The following DOCK10 variants were observed in gnomAD, a reference collection of about 807,000 sequenced individuals.
DOCK10 encodes dedicator of cytokinesis 10, also known as dedicator of cytokinesis protein 10.
DOCK10 carries 145 observed loss-of-function variants against 280.1 expected under a neutral mutation model. The ratio of observed to expected loss-of-function variants is 0.52; its 90% confidence interval spans 0.45 to 0.59. The LOEUF is 0.59. DOCK10 is among the 20% of genes least tolerant of loss of function. DOCK10 has a pLI of 0.00. For synonymous variants in DOCK10, 915 were observed against 942.2 expected (o/e 0.97, Z 0.53); for missense variants, 2,368 against 2,651.7 (o/e 0.89, Z 2.35).
rs923757716 is a variant in DOCK10 at position 224,916,568 on chromosome 2, C to T, written c.333+127G>A. 17 of 516,968 alleles carry T rather than the reference C, an allele frequency of 3.3e-5. No individual in the cohort carries two copies. The African/African-American group carries it at 3.5e-4, about 11-fold the overall frequency. The allele number at this position is 516,968 out of a possible 1,614,324, so 32.0% of individuals were successfully genotyped here. ...AAAAAAAAAAAAAAAAAAAAGACAT[C>T]CACTAGTTAGAATATTTGGAATTAT... On this transcript the variant is annotated intron_variant, in intron 3 of 55. Coordinates refer to ENST00000258390, the MANE Select transcript of DOCK10 (RefSeq NM_014689.3).
chr2:225,037,358 C>T (rs1294199158), intron 1 of DOCK10, among the ~76,000 whole-genome samples: 1 of 152,188 alleles, frequency 6.6e-6, no homozygotes, highest in Non-Finnish European at 1.5e-5. Flanking sequence ...GGAGTGAATT[C>T]TCACAGGTAC....
intron 51 of DOCK10, among the ~76,000 whole-genome samples, chr2:224,776,301 G>A (rs576316862): frequency 6.6e-6 from 1 of 152,136 alleles, no homozygotes; most frequent in Non-Finnish European, 1.5e-5. Context: ...GGGTATAATT[G>A]TAACCATTTT....
chr2:224,902,939 A>T (rs943755742), intron 3 of DOCK10, among the ~76,000 whole-genome samples: 4 of 149,462 alleles, frequency 2.7e-5, no homozygotes, highest in Non-Finnish European at 6.0e-5. Flanking sequence ...TAAAAATACA[A>T]AAAAAAAAAT....
intron 1 of DOCK10, chr2:224,983,875 T>G: frequency 2.1e-6 from 1 of 471,048 alleles, no homozygotes; most frequent in Non-Finnish European, 4.4e-6. Context: ...CTCTGGACAT[T>G]TGTCAGACTG....
intron 7 of DOCK10, among the ~76,000 whole-genome samples, chr2:224,885,075 C>T (rs1699199232): frequency 6.6e-6 from 1 of 152,246 alleles, no homozygotes; most frequent in Non-Finnish European, 1.5e-5. Context: ...TCTCGGCTCA[C>T]TGCAACCTCC....
At chr2:224,841,518 T>C (rs577214975) in intron 23 of DOCK10, among the ~76,000 whole-genome samples, 1 of 152,344 alleles carries the variant, frequency 6.6e-6, no homozygotes, top group East Asian at 1.9e-4. Flanking sequence ...GGCATGATGG[T>C]AATGTTGCAA....
intron 33 of DOCK10, among the ~76,000 whole-genome samples, chr2:224,806,657 T>A (rs1463617550): frequency 6.6e-6 from 1 of 152,194 alleles, no homozygotes; most frequent in Non-Finnish European, 1.5e-5. Context: ...CAGACTACAG[T>A]GCAATGGCAT....
chr2:224,788,998 G>T, intron 48 of DOCK10, 66 bp downstream of exon 48: 2 of 950,828 alleles, frequency 2.1e-6, no homozygotes, highest in South Asian at 1.5e-5. Context: ...CCCTTATTTA[G>T]CTTAATGTCA....
chr2:224,893,530 G>T, intron 4 of DOCK10: 1 of 275,500 alleles, frequency 3.6e-6, no homozygotes, highest in Non-Finnish European at 7.6e-6. Flanking sequence ...ATATTTTTAT[G>T]CTGCTTTTTT....
chr2:224,900,285 AAAAC>A (rs1287264500), intron 3 of DOCK10, among the ~76,000 whole-genome samples: 7 of 152,128 alleles, frequency 4.6e-5, no homozygotes, highest in Non-Finnish European at 1.0e-4. Flanking sequence ...AGTAAAAAAA[AAAAC>A]ACAAAACTTT....
intron 1 of DOCK10, among the ~76,000 whole-genome samples, chr2:224,965,825 C>A (rs1704704973): frequency 6.6e-6 from 1 of 152,106 alleles, no homozygotes; most frequent in Admixed American, 6.6e-5. Flanking sequence ...AAATTTTACC[C>A]ATTTATGTAG....
chr2:224,779,467 C>T (rs1213025875), intron 50 of DOCK10, among the ~76,000 whole-genome samples: 3 of 152,088 alleles, frequency 2.0e-5, no homozygotes, highest in Non-Finnish European at 2.9e-5. Context: ...CCACCCACCT[C>T]GGCCTCCTAA....
At chr2:224,833,174 A>C (rs534809865) in intron 26 of DOCK10, among the ~76,000 whole-genome samples, 2 of 152,148 alleles carry the variant, frequency 1.3e-5, no homozygotes, top group African/African-American at 2.4e-5. Context: ...GATCCTTTTA[A>C]ACCAAGGTCA....
At chr2:224,796,876 G>C in intron 43 of DOCK10, 88 bp downstream of exon 43, 2 of 1,245,284 alleles carry the variant, frequency 1.6e-6, no homozygotes, top group Non-Finnish European at 2.3e-6. Context: ...GTTAGTGACG[G>C]CTTGCCCTGA....
chr2:224,961,217 A>C (rs1704363025), intron 1 of DOCK10, among the ~76,000 whole-genome samples: 1 of 152,204 alleles, frequency 6.6e-6, no homozygotes, highest in African/African-American at 2.4e-5. Flanking sequence ...CATGTTAGCC[A>C]GGATGACAGA....
chr2:224,931,503 T>C, intron 2 of DOCK10, 46 bp downstream of exon 2: 1 of 1,558,988 alleles, frequency 6.4e-7, no homozygotes, highest in Non-Finnish European at 8.7e-7. Flanking sequence ...TGACCCAATG[T>C]GTAGGGCCCT....
At chr2:224,827,067 A>C (rs1694916541) in intron 27 of DOCK10, among the ~76,000 whole-genome samples, 1 of 152,026 alleles carries the variant, frequency 6.6e-6, no homozygotes, top group Admixed American at 6.6e-5. Context: ...GTTGGAGACC[A>C]GTCTGGCCAA....
At chr2:224,863,451 T>C (rs528338110) in intron 13 of DOCK10, among the ~76,000 whole-genome samples, 1 of 152,270 alleles carries the variant, frequency 6.6e-6, no homozygotes, top group African/African-American at 2.4e-5. Context: ...ATATTTCTTT[T>C]CTTTTCTTTT....
At chr2:224,910,594 G>T (rs958937918) in intron 3 of DOCK10, among the ~76,000 whole-genome samples, 1 of 152,138 alleles carries the variant, frequency 6.6e-6, no homozygotes, top group Non-Finnish European at 1.5e-5. Context: ...GTTTGTAATT[G>T]CTACAAGTAA....
Sources: gnomAD v4.1 joint callset for allele counts (sites outside exome capture counted in the v4.1 genomes callset) on GRCh38, gnomAD v4.1.1 for gene constraint, MANE v1.5 for transcripts, NCBI Gene and HGNC (gene_info 2026-07-23, HGNC 2026-07-21) for gene names.